The following GARNL3 variants were observed in gnomAD, a reference collection of about 807,000 sequenced individuals.
The protein encoded by GARNL3 is GTPase activating Rap/RanGAP domain like 3, also known as GTPase-activating Rap/Ran-GAP domain-like protein 3.
In GARNL3, 63 loss-of-function variants were observed where a neutral mutation model predicts 125.0. That is an observed-to-expected ratio of 0.50 (90% CI 0.41 to 0.62). GARNL3 has a LOEUF of 0.62. Ranked by LOEUF, GARNL3 falls within the 20% of genes least tolerant of loss-of-function variation. GARNL3 has a pLI of 0.00. For synonymous variants in GARNL3, 439 were observed against 457.5 expected, an observed-to-expected ratio of 0.96 and a Z score of 0.52; for missense variants, 994 against 1,244.0, an observed-to-expected ratio of 0.80 and a Z score of 3.02.
chr9:127,249,222 G>A (rs555426178), intron 2 of GARNL3, among the ~76,000 whole-genome samples: 1 of 152,180 alleles, frequency 6.6e-6, no homozygotes, highest in African/African-American at 2.4e-5. Flanking sequence ...AAATGGAAAG[G>A]GGAAGAAGGG....
intron 14 of GARNL3, among the ~76,000 whole-genome samples, chr9:127,342,595 A>G (rs1829920291): frequency 6.6e-6 from 1 of 152,118 alleles, no homozygotes; most frequent in African/African-American, 2.4e-5. Flanking sequence ...AGGGACAGGG[A>G]GGTTGGGTAT....
intron 1 of GARNL3, among the ~76,000 whole-genome samples, chr9:127,288,363 G>C (rs931518783): frequency 6.6e-6 from 1 of 152,200 alleles, no homozygotes; most frequent in Non-Finnish European, 1.5e-5. Flanking sequence ...GAGAAGAAGT[G>C]GGGATGCTGG....
chr9:127,230,236 A>G (rs2062977890), intron 1 of GARNL3, among the ~76,000 whole-genome samples: 1 of 152,224 alleles, frequency 6.6e-6, no homozygotes, highest in Non-Finnish European at 1.5e-5. Context: ...TCTGAACCTT[A>G]GTTAACTCCT....
At chr9:127,386,833 C>CT (rs1206848849) in intron 24 of GARNL3, among the ~76,000 whole-genome samples, 1 of 152,236 alleles carries the variant, frequency 6.6e-6, no homozygotes, top group African/African-American at 2.4e-5. Context: ...ATGGGCCTAA[C>CT]TGAATCCCTA....
At chr9:127,357,490 C>T (rs1229609103) in intron 21 of GARNL3, 113 bp downstream of exon 21, 4 of 993,388 alleles carry the variant, frequency 4.0e-6, no homozygotes, top group South Asian at 1.6e-5. Context: ...TACTATTCAT[C>T]ACATCAGTAT....
At position 127,388,986 on chromosome 9, in the gene GARNL3, C is replaced by G. The variant is rs745482091; in HGVS notation, c.2610C>G (p.Pro870=). 44 of 1,613,414 alleles carry G rather than the reference C, an allele frequency of 2.7e-5. No individual in the cohort carries two copies. The highest frequency in any genetic ancestry group is 2.7e-4 in the East Asian group (12 of 44,892). The change falls in exon 26 of 28, where the codon CCC becomes CCG. Residue 870 remains proline (P), a synonymous_variant. Transcript: ENST00000373387. ...GCATCGAACGACCTCTGAAGTCACC[C>G]TTAGTCTCCAAGGTCATCACCCCAC... ...GRSIERPLKS[P]LVSKVITPPT...
intron 2 of GARNL3, among the ~76,000 whole-genome samples, chr9:127,258,537 G>T (rs189118507): frequency 9.9e-5 from 15 of 152,240 alleles, no homozygotes; most frequent in Non-Finnish European, 7.4e-5. Flanking sequence ...TATTTGAGAG[G>T]CTAAGGTGGG....
At chr9:127,308,219 T>A (rs2065007940) in intron 2 of GARNL3, among the ~76,000 whole-genome samples, 1 of 152,188 alleles carries the variant, frequency 6.6e-6, no homozygotes, top group Admixed American at 6.5e-5. Context: ...TTTTGAAATA[T>A]GATAAGCTGA....
intron 2 of GARNL3, among the ~76,000 whole-genome samples, chr9:127,308,933 A>AT (rs773264715): frequency 3.3e-5 from 5 of 152,352 alleles, no homozygotes; most frequent in East Asian, 3.9e-4. Flanking sequence ...GGGGTAAAAC[A>AT]TTAACAGTAG....
intron 8 of GARNL3, among the ~76,000 whole-genome samples, chr9:127,332,695 A>C (rs921043039): frequency 6.6e-6 from 1 of 152,180 alleles, no homozygotes; most frequent in African/African-American, 2.4e-5. Flanking sequence ...CATCTTCCTA[A>C]TATTTAGCAC....
chr9:127,256,489 G>C (rs2063497401), intron 2 of GARNL3, among the ~76,000 whole-genome samples: 1 of 152,106 alleles, frequency 6.6e-6, no homozygotes, highest in East Asian at 1.9e-4. Flanking sequence ...CAATATTTTT[G>C]TTCCTGTGAA....
chr9:127,245,966 T>A (rs1013805425), intron 2 of GARNL3, among the ~76,000 whole-genome samples: 1 of 151,904 alleles, frequency 6.6e-6, no homozygotes, highest in Admixed American at 6.6e-5. Flanking sequence ...TGCTGTCCAG[T>A]GAAGTATATA....
intron 18 of GARNL3, 57 bp downstream of exon 18, chr9:127,354,001 G>C: frequency 1.7e-6 from 2 of 1,146,518 alleles, no homozygotes; most frequent in East Asian, 2.3e-5. Context: ...TGCCTTCTGC[G>C]GCCCACACCA....
intron 1 of GARNL3, among the ~76,000 whole-genome samples, chr9:127,276,632 A>G (rs2063964225): frequency 6.6e-6 from 1 of 152,228 alleles, no homozygotes; most frequent in Non-Finnish European, 1.5e-5. Context: ...AAACTGCAAT[A>G]TGCCCCAAGC....
intron 1 of GARNL3, among the ~76,000 whole-genome samples, chr9:127,226,985 T>C (rs2062925078): frequency 6.6e-6 from 1 of 152,246 alleles, no homozygotes; most frequent in Non-Finnish European, 1.5e-5. Context: ...TGCTGTCTGT[T>C]ACGGTAGCCT....
At chr9:127,304,334 C>T (rs140960676) in intron 2 of GARNL3, among the ~76,000 whole-genome samples, 1 of 152,232 alleles carries the variant, frequency 6.6e-6, no homozygotes, top group African/African-American at 2.4e-5. Context: ...GGTCAGAGAA[C>T]ATGGAACAAC....
At chr9:127,300,749 C>T (rs549871617) in intron 2 of GARNL3, 3 of 356,946 alleles carry the variant, frequency 8.4e-6, no homozygotes, top group South Asian at 6.8e-5. Context: ...GCCACCGCGC[C>T]TGGCCCTATT....
At chr9:127,335,962 A>G (rs1829530077) in intron 10 of GARNL3, among the ~76,000 whole-genome samples, 166 bp from the exon 11 acceptor site, 1 of 152,132 alleles carries the variant, frequency 6.6e-6, no homozygotes, top group Non-Finnish European at 1.5e-5. Context: ...TTGGTGAGCA[A>G]GGGCCTAGGC....
intron 22 of GARNL3, among the ~76,000 whole-genome samples, chr9:127,379,148 G>A (rs943280364): frequency 2.0e-5 from 3 of 152,200 alleles, no homozygotes; most frequent in African/African-American, 7.2e-5. Context: ...GGTGAATGCA[G>A]AAGCAAAGCA....
Sources: gnomAD v4.1 joint callset for allele counts (sites outside exome capture counted in the v4.1 genomes callset) on GRCh38, gnomAD v4.1.1 for gene constraint, MANE v1.5 for transcripts, NCBI Gene and HGNC (gene_info 2026-07-23, HGNC 2026-07-21) for gene names.